ATP10B: variants seen among roughly 807,000 people sequenced by gnomAD.
The protein encoded by ATP10B is phospholipid-transporting ATPase VB.
In ATP10B, 122 loss-of-function variants were observed where a neutral mutation model predicts 141.2. That is an observed-to-expected ratio of 0.86 (90% confidence interval 0.75 to 1.00). The LOEUF (loss-of-function observed/expected upper bound fraction) is 1.00. ATP10B is among the 50% of genes least tolerant of loss of function. The pLI is 0.00. For missense variants in ATP10B, 1,876 were observed against 1,825.3 expected (o/e 1.03, Z -0.51); for synonymous variants, 685 against 692.0 (o/e 0.99, Z 0.16).
At position 160,620,704 on chromosome 5, in the gene ATP10B, G is replaced by T; in HGVS notation, c.2059C>A (p.Gln687Lys). 1 of 1,614,170 alleles carries T rather than the reference G, an allele frequency of 6.2e-7. No individual in the cohort carries two copies. Among genetic ancestry groups the T allele is most frequent in the Non-Finnish European group, 8.5e-7 (1 of 1,180,014 alleles). ...GACCCAGACTCCAGGATGTCGCCCTGGTCCCACATGCTGCTCCTGTAGCCA... is the reference window on the plus strand; with the variant it reads ...GACCCAGACTCCAGGATGTCGCCCTTGTCCCACATGCTGCTCCTGTAGCCA... ...DGGYRSSMWD[Q>K]GDILESGSGT... Residue 687 changes from glutamine (Q) to lysine (K), a missense_variant, in exon 15 of 26, where the codon CAG (glutamine) becomes AAG (lysine). Coordinates refer to ENST00000327245, the MANE Select transcript of ATP10B (RefSeq NM_025153.3).
At chr5:160,841,277 G>A (rs1775792161) in intron 1 of ATP10B, among the ~76,000 whole-genome samples, 1 of 152,044 alleles carries the variant, frequency 6.6e-6, no homozygotes, top group Non-Finnish European at 1.5e-5. Flanking sequence ...AATGACCTCT[G>A]GGATACATTG....
intron 1 of ATP10B, among the ~76,000 whole-genome samples, chr5:160,850,909 GTTA>G (rs1202557150): frequency 6.6e-6 from 1 of 152,172 alleles, no homozygotes; most frequent in African/African-American, 2.4e-5. Context: ...CTCAGTGGGT[GTTA>G]TTAAGAGTAA....
At chr5:160,672,565 T>G (rs1363194) in intron 6 of ATP10B, among the ~76,000 whole-genome samples, 98,726 of 152,064 alleles carry the variant, frequency 0.65, 32,679 homozygotes, top group Middle Eastern at 0.78. Flanking sequence ...AGTGTGGGAT[T>G]TGAAACCAAA....
the ATP10B span, among the ~76,000 whole-genome samples, chr5:160,892,222 T>G: frequency 6.6e-6 from 1 of 152,176 alleles, no homozygotes; most frequent in South Asian, 2.1e-4. Flanking sequence ...CCTCCTGGGA[T>G]TCACGTGATC....
Position 160,634,499 on chromosome 5 carries a change from G to A in ATP10B, c.1236C>T (p.Ser412=), listed in dbSNP as rs1253475728. The stretch of plus-strand genomic sequence containing the variant: ...CGATGTTGAGGGCTCGACATTGAAT[G>A]GATAAATCGGTCTCTTCATCATACA... ...LDLYDEETDL[S]IQCRALNIAE... The change falls in exon 12 of 26, where the codon TCC becomes TCT. Residue 412 remains serine, a synonymous_variant. Coordinates refer to ENST00000327245, the MANE Select transcript of ATP10B (RefSeq NM_025153.3). 1 of 1,614,022 alleles carries A rather than the reference G, an allele frequency of 6.2e-7. No individual in the cohort carries two copies. The highest frequency in any genetic ancestry group is 1.3e-5 in the African/African-American group (1 of 74,894).
At chr5:160,872,695 G>T in the ATP10B span, among the ~76,000 whole-genome samples, 814 of 152,206 alleles carry the variant, frequency 5.3e-3, 1 homozygote, top group South Asian at 9.9e-3. Flanking sequence ...AAGTATTTTG[G>T]TTTATTTCAG....
At chr5:160,784,870 C>A (rs1771016519) in intron 2 of ATP10B, among the ~76,000 whole-genome samples, 1 of 152,012 alleles carries the variant, frequency 6.6e-6, no homozygotes. Context: ...TTCTTTCTTC[C>A]TTTTTTCTTT....
Position 160,565,884 on chromosome 5 carries a change from G to A in ATP10B, c.3955C>T (p.Leu1319=). The A allele has an allele frequency of 1.2e-6, 2 of 1,609,330 alleles. No individual in the cohort carries two copies. The highest frequency in any genetic ancestry group is 1.1e-5 in the South Asian group (1 of 90,220). Residue 1319 remains leucine (L), a synonymous_variant, in exon 26 of 26, where the codon CTG becomes TTG. Transcript: ENST00000327245. ...AGAGACTTCCCACAAGTTCCTTGCA[G>A]AGACAGGAAAAAGTATCTGGTGGGA... ...ALLPRYFFLS[L]QGTCGKSLIS... is the part of the protein sequence containing the mutation.
chr5:160,879,630 A>G, the ATP10B span, among the ~76,000 whole-genome samples: 1 of 151,968 alleles, frequency 6.6e-6, no homozygotes, highest in Admixed American at 6.6e-5. Context: ...TGAGGTCAAG[A>G]GATGGAGACC....
chr5:160,649,382 A>T, intron 7 of ATP10B, 126 bp from the exon 8 acceptor site: 3 of 688,414 alleles, frequency 4.4e-6, no homozygotes, highest in Admixed American at 2.9e-5. Context: ...TCACACTTTG[A>T]TAGTTGTAAT....
At chr5:160,653,010 T>C (rs1407995388) in intron 7 of ATP10B, among the ~76,000 whole-genome samples, 1 of 107,900 alleles carries the variant, frequency 9.3e-6, no homozygotes, top group Admixed American at 1.3e-4. Context: ...ATATTATATA[T>C]ATTTATATTA....
intron 7 of ATP10B, among the ~76,000 whole-genome samples, chr5:160,655,289 T>C (rs1761406985): frequency 7.0e-6 from 1 of 143,496 alleles, no homozygotes. Flanking sequence ...AGCATTTAAA[T>C]TTTTTTTTTT....
At chr5:160,675,880 G>C (rs1194952675) in intron 6 of ATP10B, among the ~76,000 whole-genome samples, 3 of 151,872 alleles carry the variant, frequency 2.0e-5, no homozygotes, top group Non-Finnish European at 4.4e-5. Flanking sequence ...GGTGGGGGAG[G>C]GGGGGCGACC....
Position 160,785,585 on chromosome 5 carries a change from C to G in ATP10B, c.-357G>C. Reference sequence around the variant, plus strand: ...TGATAGGTAGATTTCAAGTCTTGTTCCTCTTTCTCCTTCCCTCCTTTTTGA... The same window carrying G: ...TGATAGGTAGATTTCAAGTCTTGTTGCTCTTTCTCCTTCCCTCCTTTTTGA... On this transcript the variant is annotated 5_prime_UTR_variant, in exon 2 of 26. Coordinates refer to ENST00000327245, the MANE Select transcript of ATP10B (RefSeq NM_025153.3). 2.1e-6 allele frequency: 2 copies of G among 961,994 alleles called. No individual in the cohort carries two copies. Among genetic ancestry groups the G allele is most frequent in the Non-Finnish European group, 2.9e-6 (2 of 690,332 alleles). 59.6% of individuals were successfully genotyped at this position (961,994 alleles called of 1,614,324 possible).
chr5:160,903,960 A>G, the ATP10B span, among the ~76,000 whole-genome samples: 3 of 152,076 alleles, frequency 2.0e-5, no homozygotes, highest in African/African-American at 7.2e-5. Context: ...CAGGATATCT[A>G]TGGGTCATCC....
At chr5:160,773,224 G>A (rs1419777465) in intron 2 of ATP10B, among the ~76,000 whole-genome samples, 5 of 152,158 alleles carry the variant, frequency 3.3e-5, no homozygotes, top group Admixed American at 1.3e-4. Flanking sequence ...GCCTGGTCTC[G>A]TTCCTCAGAC....
intron 25 of ATP10B, among the ~76,000 whole-genome samples, chr5:160,566,130 T>C (rs146821049): frequency 6.6e-6 from 1 of 152,208 alleles, no homozygotes; most frequent in African/African-American, 2.4e-5. Context: ...AAGTGCTTTA[T>C]GTATTATTAA....
chr5:160,785,472 A>G (rs1771070276), intron 2 of ATP10B, 87 bp downstream of exon 2: 1 of 336,654 alleles, frequency 3.0e-6, no homozygotes, highest in Middle Eastern at 6.6e-4. Context: ...CAGAGGGTAC[A>G]TGTGCAAGTT....
chr5:160,661,980 C>T (rs1761951477), intron 7 of ATP10B, among the ~76,000 whole-genome samples: 1 of 152,170 alleles, frequency 6.6e-6, no homozygotes, highest in Admixed American at 6.5e-5. Context: ...GTACAAAAAT[C>T]ACAAGCATTC....
Sources: gnomAD v4.1 joint callset for allele counts (sites outside exome capture counted in the v4.1 genomes callset) on GRCh38, gnomAD v4.1.1 for gene constraint, MANE v1.5 for transcripts, NCBI Gene and HGNC (gene_info 2026-07-23, HGNC 2026-07-21) for gene names.